ENPP3: variants seen among roughly 807,000 people sequenced by gnomAD.
The protein encoded by ENPP3 is ectonucleotide pyrophosphatase/phosphodiesterase family member 3.
A neutral mutation model predicts 117.8 loss-of-function variants in ENPP3; 104 were observed. The ratio of observed to expected loss-of-function variants is 0.88; its 90% confidence interval spans 0.75 to 1.04. ENPP3 has a LOEUF of 1.04. Ranked by LOEUF, ENPP3 falls within the 50% of genes least tolerant of loss-of-function variation. The probability of loss-of-function intolerance (pLI) is 0.00; values close to 1 mark genes in which losing one functional copy is unlikely to be tolerated. For missense variants in ENPP3, 1,026 were observed against 1,051.9 expected, an observed-to-expected ratio of 0.98 and a Z score of 0.34; for synonymous variants, 380 against 349.9, an observed-to-expected ratio of 1.09 and a Z score of -0.96.
At chr6:131,649,890 A>G (rs1778225879) in intron 2 of ENPP3, 137 bp from the exon 3 acceptor site, 1 of 871,308 alleles carries the variant, frequency 1.1e-6, no homozygotes, top group Non-Finnish European at 1.8e-6. Context: ...TTGTATTGGC[A>G]GATCCTGCAG....
chr6:131,746,236 G>A (rs533790974), intron 24 of ENPP3, among the ~76,000 whole-genome samples: 2 of 151,912 alleles, frequency 1.3e-5, no homozygotes, highest in Admixed American at 6.5e-5. Flanking sequence ...AATATGTAAC[G>A]CAAAATTTAA....
chr6:131,661,392 G>GT (rs1364413315), intron 6 of ENPP3, among the ~76,000 whole-genome samples: 5 of 151,972 alleles, frequency 3.3e-5, no homozygotes, highest in East Asian at 1.9e-4. Flanking sequence ...TGTTTTTGGG[G>GT]TTTTTTTGAT....
chr6:131,646,718 C>G (rs1394010380), intron 2 of ENPP3, among the ~76,000 whole-genome samples: 1 of 142,630 alleles, frequency 7.0e-6, no homozygotes, highest in Non-Finnish European at 1.5e-5. Flanking sequence ...GACCTCCCTT[C>G]TAGGGTCCTA....
At chr6:131,730,684 G>A (rs1380060229) in intron 20 of ENPP3, among the ~76,000 whole-genome samples, 1 of 152,188 alleles carries the variant, frequency 6.6e-6, no homozygotes, top group Non-Finnish European at 1.5e-5. Context: ...GGGACGCTGA[G>A]TGGATGGATC....
At chr6:131,715,899 A>G (rs1167991754) in intron 15 of ENPP3, among the ~76,000 whole-genome samples, 1 of 151,970 alleles carries the variant, frequency 6.6e-6, no homozygotes, top group Non-Finnish European at 1.5e-5. Flanking sequence ...ACCCAGCCCC[A>G]CTGGCTGCAA....
chr6:131,678,961 C>CCTTCCTTGCTTCCTTG (rs1562446607), intron 11 of ENPP3, among the ~76,000 whole-genome samples: 10 of 91,164 alleles, frequency 1.1e-4, no homozygotes, highest in African/African-American at 7.1e-4. Context: ...TTCTTTCTTT[C>CCTTCCTTGCTTCCTTG]CTTCCTTCCT....
At chr6:131,738,305 C>A in intron 23 of ENPP3, 142 bp downstream of exon 23, 1 of 686,952 alleles carries the variant, frequency 1.5e-6, no homozygotes, top group Non-Finnish European at 2.3e-6. Context: ...TCTAGTCTAT[C>A]TAAATATTTA....
intron 3 of ENPP3, among the ~76,000 whole-genome samples, chr6:131,651,732 C>T (rs1778267720): frequency 6.6e-6 from 1 of 152,148 alleles, no homozygotes. Flanking sequence ...ATTATGTTCC[C>T]TGAAAAGGGC....
At chr6:131,722,491 C>T in intron 18 of ENPP3, 86 bp downstream of exon 18, 1 of 1,074,038 alleles carries the variant, frequency 9.3e-7, no homozygotes, top group Non-Finnish European at 1.4e-6. Context: ...GTAGCAACAA[C>T]CAGGTTTGTG....
At chr6:131,687,709 A>G (rs1169392800) in intron 14 of ENPP3, among the ~76,000 whole-genome samples, 1 of 152,262 alleles carries the variant, frequency 6.6e-6, no homozygotes, top group Non-Finnish European at 1.5e-5. Flanking sequence ...GACACTTCTC[A>G]AAAGAAGACA....
chr6:131,746,871 T>A lies in ENPP3; in HGVS notation c.2543T>A (p.Leu848His), dbSNP rs1780646956. The A allele has an allele frequency of 1.2e-6, 2 of 1,613,410 alleles. No individual in the cohort carries two copies. The highest frequency in any genetic ancestry group is 8.5e-7 in the Non-Finnish European group (1 of 1,179,578). The part of the protein sequence containing the change: ...RVRDVELLTG[L>H]DFYQDKVQPV... Reference sequence around the variant, plus strand: ...CGTGATGTAGAACTTCTCACTGGGCTTGACTTCTATCAGGATAAAGTGCAG... The same window carrying A: ...CGTGATGTAGAACTTCTCACTGGGCATGACTTCTATCAGGATAAAGTGCAG... Residue 848 changes from leucine (L) to histidine (H), a missense_variant, in exon 25 of 25, where the codon CTT (leucine) becomes CAT (histidine). Transcript: ENST00000357639.
rs557878642 is a variant in ENPP3 at position 131,660,350 on chromosome 6, C to CA, written c.562+1932dup. ...CATGGTCATGTAAACTGAGCCTAAA[C>CA]AATATCACAGAGCAGTGAGTCATAT... is the stretch of plus-strand genomic sequence containing the variant. On this transcript the variant is annotated intron_variant, in intron 6 of 24. Coordinates refer to ENST00000357639, the MANE Select transcript of ENPP3 (RefSeq NM_005021.5). 6.6e-5 allele frequency among the ~76,000 whole-genome samples: 10 copies of CA among 152,324 alleles called. 1 individual carries two copies. The South Asian group carries it at 2.1e-3, about 32-fold the overall frequency.
chr6:131,652,894 G>T lies in ENPP3; in HGVS notation c.464+3G>T, dbSNP rs1303910549. ...CAGCAGTCTCAGTGCCCAGAAGGGT[G>T]AGCATGACTGATACAGGGATTTTTA... On this transcript the variant is annotated splice_donor_region_variant and intron_variant, in intron 5 of 24. Coordinates refer to ENST00000357639, the MANE Select transcript of ENPP3 (RefSeq NM_005021.5). The T allele has an allele frequency of 6.2e-7, 1 of 1,600,448 alleles. No homozygotes were observed. Among genetic ancestry groups the T allele is most frequent in the South Asian group, 1.1e-5 (1 of 90,698 alleles).
chr6:131,640,076 A>G (rs1778010332), intron 1 of ENPP3, among the ~76,000 whole-genome samples: 2 of 152,238 alleles, frequency 1.3e-5, no homozygotes, highest in Admixed American at 1.3e-4. Flanking sequence ...ATGAAGAAAC[A>G]GATTCTAACA....
At chr6:131,639,452 C>T (rs1253961216) in intron 1 of ENPP3, among the ~76,000 whole-genome samples, 2 of 151,654 alleles carry the variant, frequency 1.3e-5, no homozygotes, top group African/African-American at 2.4e-5. Context: ...TTTATCCTAG[C>T]TTATCAATTC....
At chr6:131,641,609 C>T in intron 2 of ENPP3, 79 bp downstream of exon 2, 4 of 871,938 alleles carry the variant, frequency 4.6e-6, no homozygotes, top group Non-Finnish European at 7.7e-6. Flanking sequence ...ATGTATCTCC[C>T]ATCCCAAGCC....
chr6:131,716,954 G>C (rs1243724649), intron 15 of ENPP3, among the ~76,000 whole-genome samples: 4 of 151,762 alleles, frequency 2.6e-5, no homozygotes, highest in Admixed American at 1.3e-4. Flanking sequence ...CTGGGCGACA[G>C]AGCGAGACTC....
At chr6:131,682,316 A>G (rs1779039590) in intron 11 of ENPP3, among the ~76,000 whole-genome samples, 1 of 151,956 alleles carries the variant, frequency 6.6e-6, no homozygotes, top group Admixed American at 6.6e-5. Context: ...AAACTTAATG[A>G]GATCGAATCT....
intron 15 of ENPP3, among the ~76,000 whole-genome samples, chr6:131,695,607 A>G (rs1174237084): frequency 6.6e-6 from 1 of 152,188 alleles, no homozygotes; most frequent in Non-Finnish European, 1.5e-5. Context: ...CAGCCTTAAC[A>G]AGAGAGCAAG....
Sources: gnomAD v4.1 joint callset for allele counts (sites outside exome capture counted in the v4.1 genomes callset) on GRCh38, gnomAD v4.1.1 for gene constraint, MANE v1.5 for transcripts, NCBI Gene and HGNC (gene_info 2026-07-23, HGNC 2026-07-21) for gene names.